Variants in MTNAP1 observed in about 807,000 individuals in gnomAD.
MTNAP1 encodes mitochondrial nucleoid-associated protein 1.
chr17:73,242,995 G>A, the MTNAP1 span: 2 of 1,612,530 alleles, frequency 1.2e-6, no homozygotes, highest in Non-Finnish European at 1.7e-6. Context: ...TGGAGTTTCA[G>A]ACGTCTGAGT....
the MTNAP1 span, chr17:73,247,370 G>C: frequency 8.1e-6 from 13 of 1,609,718 alleles, no homozygotes; most frequent in Non-Finnish European, 1.0e-5. Flanking sequence ...AGAAGCCTTC[G>C]TGACTTCTCT....
chr17:73,235,221 A>T, the MTNAP1 span, among the ~76,000 whole-genome samples: 1 of 152,086 alleles, frequency 6.6e-6, no homozygotes, highest in African/African-American at 2.4e-5. Context: ...CTCTGTTTCC[A>T]AAATAAATAA....
the MTNAP1 span, chr17:73,242,402 GAA>G: frequency 1.5e-6 from 2 of 1,293,018 alleles, no homozygotes; most frequent in Non-Finnish European, 2.1e-6. Flanking sequence ...TGGGCATTTG[GAA>G]AAGTTTCTCT....
the MTNAP1 span, chr17:73,247,468 T>C: frequency 2.3e-6 from 2 of 858,566 alleles, no homozygotes; most frequent in African/African-American, 1.7e-5. Context: ...TTTTCAGCCC[T>C]CAAGGTTATC....
At chr17:73,247,129 T>G in the MTNAP1 span, 3 of 879,196 alleles carry the variant, frequency 3.4e-6, no homozygotes, top group Non-Finnish European at 5.4e-6. Context: ...CCCTGCTCAT[T>G]TGGTTAGGTG....
At chr17:73,245,222 A>C in the MTNAP1 span, 1 of 1,613,072 alleles carries the variant, frequency 6.2e-7, no homozygotes, top group Non-Finnish European at 8.5e-7. Flanking sequence ...AAGCTCTGGA[A>C]CAGCAAAGGG....
At chr17:73,245,637 G>T in the MTNAP1 span, 1 of 985,222 alleles carries the variant, frequency 1.0e-6, no homozygotes, top group African/African-American at 1.7e-5. Flanking sequence ...CCCACATCAG[G>T]CCCTTCCCCT....
chr17:73,236,587 T>A, the MTNAP1 span: 1 of 1,614,230 alleles, frequency 6.2e-7, no homozygotes, highest in Non-Finnish European at 8.5e-7. Context: ...TCATTCTGTA[T>A]CGCAGTCAAG....
At chr17:73,245,646 CT>C in the MTNAP1 span, 1 of 985,342 alleles carries the variant, frequency 1.0e-6, no homozygotes, top group Non-Finnish European at 1.2e-6. Flanking sequence ...GGCCCTTCCC[CT>C]TAGTTTCTTT....
the MTNAP1 span, among the ~76,000 whole-genome samples, chr17:73,246,197 C>T: frequency 6.6e-6 from 1 of 152,146 alleles, no homozygotes; most frequent in South Asian, 2.1e-4. Flanking sequence ...GTCCTCATGC[C>T]AAAATACATG....
the MTNAP1 span, among the ~76,000 whole-genome samples, chr17:73,247,012 G>A: frequency 0.013 from 1,953 of 152,126 alleles, 38 homozygotes; most frequent in African/African-American, 0.045. Flanking sequence ...CCTCTTTCCC[G>A]GTCCCCCAGT....
the MTNAP1 span, among the ~76,000 whole-genome samples, chr17:73,239,932 GTT>G: frequency 6.6e-6 from 1 of 152,230 alleles, no homozygotes; most frequent in Non-Finnish European, 1.5e-5. Flanking sequence ...TGAACCTCAA[GTT>G]GAGTTTAAAG....
the MTNAP1 span, among the ~76,000 whole-genome samples, chr17:73,239,729 C>G: frequency 6.6e-6 from 1 of 151,892 alleles, no homozygotes; most frequent in Non-Finnish European, 1.5e-5. Context: ...CCATGTTGGC[C>G]AGGCTGGTCT....
At chr17:73,234,879 C>G in the MTNAP1 span, among the ~76,000 whole-genome samples, 77,636 of 150,924 alleles carry the variant, frequency 0.51, 20,030 homozygotes, top group East Asian at 0.61. Flanking sequence ...CACCCTAGTG[C>G]ATATTCTATT....
chr17:73,232,538 T>A, the MTNAP1 span: 1 of 459,726 alleles, frequency 2.2e-6, no homozygotes, highest in Non-Finnish European at 3.8e-6. Context: ...AATTATGTCA[T>A]AATAATATCA....
chr17:73,233,005 C>G, the MTNAP1 span: 1 of 152,392 alleles, frequency 6.6e-6, no homozygotes, highest in East Asian at 1.9e-4. Flanking sequence ...GGTGGGCAGG[C>G]TGGTAACGCA....
chr17:73,237,299 G>A, the MTNAP1 span, among the ~76,000 whole-genome samples: 1 of 152,134 alleles, frequency 6.6e-6, no homozygotes, highest in Non-Finnish European at 1.5e-5. Context: ...TTAGCTGGGT[G>A]TGGTGGCGCA....
At chr17:73,236,748 A>G in the MTNAP1 span, 98 of 1,614,162 alleles carry the variant, frequency 6.1e-5, no homozygotes, top group Non-Finnish European at 4.8e-5. Context: ...GTCAGTTCCA[A>G]GCATCACACA....
the MTNAP1 span, among the ~76,000 whole-genome samples, chr17:73,243,857 C>G: frequency 2.0e-5 from 3 of 152,220 alleles, no homozygotes; most frequent in African/African-American, 7.2e-5. Context: ...CCCTTCCCTG[C>G]TAAAAGGTCA....
Sources: allele counts gnomAD v4.1 joint callset (sites outside exome capture counted in the v4.1 genomes callset), GRCh38; gene constraint gnomAD v4.1.1; transcripts MANE v1.5; gene names NCBI Gene and HGNC (gene_info 2026-07-23, HGNC 2026-07-21).